Variants in COL4A6 observed in about 807,000 individuals in gnomAD.
COL4A6 encodes the protein collagen alpha-6(IV) chain.
In COL4A6, 59 loss-of-function variants were observed where a neutral mutation model predicts 126.7. The ratio of observed to expected loss-of-function variants is 0.47; its 90% confidence interval spans 0.38 to 0.58. The LOEUF is 0.58. COL4A6 is among the 20% of genes least tolerant of loss of function. COL4A6 has a pLI of 0.00. For missense variants in COL4A6, 1,285 were observed against 1,337.3 expected (o/e 0.96, Z 0.61); for synonymous variants, 547 against 496.6 (o/e 1.10, Z -1.35).
At chrX:108,177,642 T>C (rs1310916819) in intron 27 of COL4A6, among the ~76,000 whole-genome samples, 1 of 112,156 alleles carries the variant, frequency 8.9e-6, no homozygotes, top group Non-Finnish European at 1.9e-5. Context: ...GTCAATGGGA[T>C]TAACCTCCTG....
chrX:108,316,903 G>A (rs1001662265), intron 2 of COL4A6, among the ~76,000 whole-genome samples: 7 of 112,147 alleles, frequency 6.2e-5, no homozygotes, highest in African/African-American at 1.6e-4. Flanking sequence ...TGGAGCAAGA[G>A]CCAGATCATA....
At chrX:108,289,373 T>C (rs1406514660) in intron 3 of COL4A6, among the ~76,000 whole-genome samples, 3 of 109,553 alleles carry the variant, frequency 2.7e-5, no homozygotes, top group East Asian at 2.9e-4. Context: ...TCAAATAGTT[T>C]GTAGAAATAA....
Position 108,214,179 on chromosome X carries a change from C to T in COL4A6, c.374G>A (p.Cys125Tyr). ...TCCAACAGCTCCTTGAGTTCCATTA[C>T]AGCCATCCAGACCAGGTGGGCCTCT... ...GPRGPPGLDG[C>Y]NGTQGAVGFP... Residue 125 changes from cysteine (C) to tyrosine (Y), a missense_variant, in exon 6 of 45, where the codon TGT becomes TAT. Coordinates refer to ENST00000334504, the MANE Select transcript of COL4A6 (RefSeq NM_033641.4). 1.7e-6 allele frequency: 2 copies of T among 1,210,362 alleles called. No individual in the cohort carries two copies. The highest frequency in any genetic ancestry group is 2.2e-6 in the Non-Finnish European group (2 of 894,829).
intron 2 of COL4A6, among the ~76,000 whole-genome samples, chrX:108,395,529 T>C (rs1264292211): frequency 8.9e-6 from 1 of 112,245 alleles, no homozygotes; most frequent in Non-Finnish European, 1.9e-5. Flanking sequence ...CTTAACCCAA[T>C]ATCTAGAAAA....
Position 108,164,596 on chromosome X carries a change from T to C in COL4A6, c.4069+4A>G. ...GATCAGCCCAGCACATGCTCTCAAC[T>C]TACCTCTTGGCCCTGCCTTCCCCTT... is the stretch of plus-strand genomic sequence containing the variant. On this transcript the variant is annotated splice_donor_region_variant and intron_variant, in intron 40 of 44. Transcript: ENST00000334504. 1 of 1,210,311 alleles carries C rather than the reference T, an allele frequency of 8.3e-7. No individual in the cohort carries two copies. Among genetic ancestry groups the C allele is most frequent in the Non-Finnish European group, 1.1e-6 (1 of 894,128 alleles).
At chrX:108,306,069 G>T (rs2038619024) in intron 3 of COL4A6, among the ~76,000 whole-genome samples, 2 of 112,166 alleles carry the variant, frequency 1.8e-5, no homozygotes, top group African/African-American at 3.2e-5. Context: ...AAAGTGGGAT[G>T]AGGACAGAAT....
intron 6 of COL4A6, 81 bp downstream of exon 6, chrX:108,214,031 G>T: frequency 2.4e-6 from 2 of 850,381 alleles, no homozygotes; most frequent in Admixed American, 2.3e-5. Flanking sequence ...AAATCTTGAG[G>T]TTTCCAGAGA....
chrX:108,381,147 A>C (rs1429183400), intron 2 of COL4A6, among the ~76,000 whole-genome samples: 1 of 111,615 alleles, frequency 9.0e-6, no homozygotes, highest in Admixed American at 9.5e-5. Flanking sequence ...ATTATCTTCT[A>C]TTTGTTTGTC....
intron 3 of COL4A6, among the ~76,000 whole-genome samples, chrX:108,303,608 G>A (rs1603049520): frequency 8.9e-6 from 1 of 112,058 alleles, no homozygotes; most frequent in East Asian, 2.8e-4. Flanking sequence ...ACAGGGCAAT[G>A]CTTCATTTAA....
Position 108,206,476 on chromosome X carries a change from T to C in COL4A6, c.609+42A>G, listed in dbSNP as rs185945339. 5.0e-5 allele frequency: 57 copies of C among 1,140,842 alleles called. No individual in the cohort carries two copies. In the African/African-American group the frequency reaches 6.6e-4, roughly 13 times the overall value. 94.0% of individuals were successfully genotyped at this position (1,140,842 alleles called of 1,213,427 possible). The stretch of plus-strand genomic sequence containing the variant: ...CCATAGTATGTAGGGAAAACAACCA[T>C]GTGAACACTGTGATCACAAACTAGG... On this transcript the variant is annotated intron_variant, in intron 9 of 44. Transcript: ENST00000334504.
chrX:108,234,310 T>C (rs1181941580), intron 3 of COL4A6, among the ~76,000 whole-genome samples: 1 of 111,693 alleles, frequency 9.0e-6, no homozygotes, highest in Non-Finnish European at 1.9e-5. Flanking sequence ...GGTCAATTCT[T>C]GGTCAAAAAT....
In COL4A6 at chrX:108,194,557, G is replaced by T; in HGVS notation, c.979C>A (p.Leu327Ile). ...GKKGTLGFPGLNGFQGIEGQK... is the reference protein window; with the variant it reads ...GKKGTLGFPGINGFQGIEGQK... ...ACCTCAATTCCTTGGAATCCATTAA[G>T]CCCAGGAAATCCCAGGGTCCCTTTC... is the stretch of plus-strand genomic sequence containing the variant. The change falls in exon 16 of 45, where the codon CTT (leucine) becomes ATT (isoleucine). Residue 327 changes from leucine (L) to isoleucine (I), a missense_variant. Physicochemically the swap from Leu to Ile is conservative, Grantham distance 5. Transcript: ENST00000334504. 8.3e-7 allele frequency: 1 copy of T among 1,210,570 alleles called. No homozygotes were observed. Among genetic ancestry groups the T allele is most frequent in the Non-Finnish European group, 1.1e-6 (1 of 894,953 alleles).
intron 2 of COL4A6, among the ~76,000 whole-genome samples, chrX:108,417,185 C>A (rs760584233): frequency 9.0e-6 from 1 of 111,277 alleles, no homozygotes; most frequent in East Asian, 2.8e-4. Flanking sequence ...GGAGAAACTG[C>A]CCATATGAAC....
intron 2 of COL4A6, among the ~76,000 whole-genome samples, chrX:108,373,833 TC>T (rs1240996449): frequency 1.8e-5 from 2 of 112,251 alleles, no homozygotes; most frequent in African/African-American, 3.2e-5. Flanking sequence ...CTTCCTCAGA[TC>T]CTTTGCTCCT....
chrX:108,219,618 T>G, intron 5 of COL4A6, 80 bp downstream of exon 5: 2 of 867,752 alleles, frequency 2.3e-6, no homozygotes, highest in Non-Finnish European at 1.7e-6. Flanking sequence ...TGAGACAGGA[T>G]GTTGCTGAGG....
Position 108,221,294 on chromosome X carries a change from T to C in COL4A6, c.225A>G (p.Lys75=). 1 of 1,211,797 alleles carries C rather than the reference T, an allele frequency of 8.3e-7. No individual in the cohort carries two copies. The highest frequency in any genetic ancestry group is 1.1e-6 in the Non-Finnish European group (1 of 895,276). ...GAAGGCCTGGGAAACCCCTTTCTCC[T>C]TTCAATCCCGATAAACCAGTAGAGC... ...FTGSTGLSGL[K]GERGFPGLLG... is the part of the protein sequence containing the mutation. Residue 75 remains lysine (K), a synonymous_variant, in exon 4 of 45, where the codon AAA becomes AAG. Coordinates refer to ENST00000334504, the MANE Select transcript of COL4A6 (RefSeq NM_033641.4).
At chrX:108,192,707 T>C (rs2035089208) in intron 17 of COL4A6, 127 bp from the exon 18 acceptor site, 1 of 470,309 alleles carries the variant, frequency 2.1e-6, no homozygotes. Context: ...TTCCCAAGTC[T>C]CTAATGCTAA....
intron 2 of COL4A6, among the ~76,000 whole-genome samples, chrX:108,312,588 C>T (rs2038788324): frequency 9.0e-6 from 1 of 111,707 alleles, no homozygotes; most frequent in Non-Finnish European, 1.9e-5. Flanking sequence ...ATGCTTACAC[C>T]CTTGTCTAAT....
chrX:108,363,641 C>A (rs1439168116), intron 2 of COL4A6, among the ~76,000 whole-genome samples: 1 of 112,079 alleles, frequency 8.9e-6, no homozygotes. Context: ...CTTCTGCCTT[C>A]ACTTTCCAGA....
Sources: gnomAD v4.1 joint callset for allele counts (sites outside exome capture counted in the v4.1 genomes callset) on GRCh38, gnomAD v4.1.1 for gene constraint, MANE v1.5 for transcripts, NCBI Gene and HGNC (gene_info 2026-07-23, HGNC 2026-07-21) for gene names.